AGAP1: variants seen among roughly 807,000 people sequenced by gnomAD.
The protein encoded by AGAP1 is arf-GAP with GTPase, ANK repeat and PH domain-containing protein 1.
A neutral mutation model predicts 105.3 loss-of-function variants in AGAP1; 29 were observed. The ratio of observed to expected loss-of-function variants is 0.28; its 90% confidence interval spans 0.21 to 0.38. The LOEUF is 0.38. Among genes scored for constraint, AGAP1 ranks in the 10% least tolerant of loss-of-function variants. The pLI is 1.00. For missense variants in AGAP1, 998 were observed against 1,165.1 expected, an observed-to-expected ratio of 0.86 and a Z score of 2.09; for synonymous variants, 509 against 485.9, an observed-to-expected ratio of 1.05 and a Z score of -0.63.
chr2:235,907,270 G>C (rs960942363), intron 10 of AGAP1, among the ~76,000 whole-genome samples: 1 of 152,086 alleles, frequency 6.6e-6, no homozygotes, highest in South Asian at 2.1e-4. Flanking sequence ...ACCCTGCCTC[G>C]GTCCCTTGCA....
chr2:235,833,293 C>CAGGA (rs975785642), intron 9 of AGAP1, among the ~76,000 whole-genome samples: 2 of 152,194 alleles, frequency 1.3e-5, no homozygotes, highest in African/African-American at 4.8e-5. Flanking sequence ...GCCAAATGAG[C>CAGGA]AGGAAGGAAG....
In AGAP1 at chr2:235,906,645, G is replaced by A. The variant is rs558711209; in HGVS notation, c.1156-2093G>A. Among the ~76,000 whole-genome samples, 22 of 152,198 alleles carry A rather than the reference G, an allele frequency of 1.4e-4. No homozygotes were observed. The East Asian group carries it at 1.9e-3, about 13-fold the overall frequency. On this transcript the variant is annotated intron_variant, in intron 10 of 17. Coordinates refer to ENST00000304032, the MANE Select transcript of AGAP1 (RefSeq NM_001037131.3). This position sits in a 1 kb window ranked among gnomAD's most constrained non-coding sequence, Gnocchi z 5.3. ...GCAGCCTGTAAGTCATGTTGGTTGCGGGAAGGTCTACATTGTCACACCCCA... is the reference window on the plus strand; with the variant it reads ...GCAGCCTGTAAGTCATGTTGGTTGCAGGAAGGTCTACATTGTCACACCCCA...
rs1477860384 is a variant in AGAP1 at position 236,089,993 on chromosome 2, ACAG to A, written c.2115-30194_2115-30192del. Among the ~76,000 whole-genome samples, 1 of 152,066 alleles carries A rather than the reference ACAG, an allele frequency of 6.6e-6. No homozygotes were observed. The highest frequency in any genetic ancestry group is 1.5e-5 in the Non-Finnish European group (1 of 68,026). On this transcript the variant is annotated intron_variant, in intron 16 of 17. Transcript: ENST00000304032. This position sits in a 1 kb window ranked among gnomAD's most constrained non-coding sequence, Gnocchi z 5.6. The stretch of plus-strand genomic sequence containing the variant: ...TATTATAAATCAACCTTATGCCTGT[ACAG>A]CAGCTCCCTGGCTGCAAATGAATCC...
rs1575214652 is a variant in AGAP1 at position 235,717,493 on chromosome 2, G to C, written c.223-64G>C. 2.8e-6 allele frequency: 4 copies of C among 1,408,742 alleles called. No homozygotes were observed. The African/African-American group carries it at 4.4e-5, about 15-fold the overall frequency. 87.3% of individuals were successfully genotyped at this position (1,408,742 alleles called of 1,614,324 possible). ...GCCTCCTGTCTATTTTAGCCTCTTA[G>C]TATTTGCAAAATGCCAAATAGAGTG... is the stretch of plus-strand genomic sequence containing the variant. On this transcript the variant is annotated intron_variant, in intron 2 of 17. Transcript: ENST00000304032.
At chr2:235,671,135 C>G (rs531563094) in intron 1 of AGAP1, 26 of 1,229,936 alleles carry the variant, frequency 2.1e-5, no homozygotes, top group South Asian at 1.1e-4. Flanking sequence ...GCTATGGGAC[C>G]CGCCCTCCCG....
At chr2:235,945,169 C>T (rs945152411) in intron 12 of AGAP1, among the ~76,000 whole-genome samples, 1 of 152,298 alleles carries the variant, frequency 6.6e-6, no homozygotes, top group South Asian at 2.1e-4. Context: ...GGCGCGATCT[C>T]GGCTCAATGC....
intron 9 of AGAP1, among the ~76,000 whole-genome samples, chr2:235,854,525 T>C (rs1403167635): frequency 6.6e-6 from 1 of 152,226 alleles, no homozygotes; most frequent in Non-Finnish European, 1.5e-5. Flanking sequence ...CCTCAGCTGC[T>C]ATTGTGGCTA....
At chr2:235,742,361 C>T (rs1203340199) in intron 4 of AGAP1, among the ~76,000 whole-genome samples, 2 of 152,050 alleles carry the variant, frequency 1.3e-5, no homozygotes, top group Non-Finnish European at 2.9e-5. Flanking sequence ...AGGATGCTGC[C>T]AATTAAACTA....
chr2:235,799,306 A>T lies in AGAP1; in HGVS notation c.802-61A>T. On this transcript the variant is annotated intron_variant, in intron 7 of 17. Coordinates refer to ENST00000304032, the MANE Select transcript of AGAP1 (RefSeq NM_001037131.3). This position sits in a 1 kb window ranked among gnomAD's most constrained non-coding sequence, Gnocchi z 5.0. ...CACTTGTTGGTTATGACCTTGCCTA[A>T]GTGGAGGTCTTGGGTTCCTGAGTAT... 1 of 1,575,558 alleles carries T rather than the reference A, an allele frequency of 6.3e-7. No homozygotes were observed. The highest frequency in any genetic ancestry group is 8.6e-7 in the Non-Finnish European group (1 of 1,157,252).
rs1951584066 is a variant in AGAP1, at chr2:235,725,151, TCCAGGG to T, written c.310+7512_310+7517del. On this transcript the variant is annotated intron_variant, in intron 3 of 17. Transcript: ENST00000304032. The surrounding 1 kb of genome is among the most constrained non-coding windows in gnomAD (Gnocchi z 5.7). The stretch of plus-strand genomic sequence containing the variant: ...TTCTACTGGCCACTGGCTTCTGGCC[TCCAGGG>T]CCAGCTGGCTGTACAGCCACCTGCA... Among the ~76,000 whole-genome samples the T allele has an allele frequency of 6.6e-6, 1 of 152,184 alleles. No individual in the cohort carries two copies. The highest frequency in any genetic ancestry group is 1.5e-5 in the Non-Finnish European group (1 of 68,030).
intron 11 of AGAP1, among the ~76,000 whole-genome samples, chr2:235,929,505 CT>C (rs201637457): frequency 1.3e-4 from 19 of 151,344 alleles, no homozygotes; most frequent in African/African-American, 4.1e-4. Flanking sequence ...GGTATCTTTT[CT>C]TTTTTTTTAA....
intron 1 of AGAP1, among the ~76,000 whole-genome samples, chr2:235,668,808 T>C (rs1188165081): frequency 6.6e-6 from 1 of 152,220 alleles, no homozygotes; most frequent in Non-Finnish European, 1.5e-5. Context: ...TTTTAACCAA[T>C]TTAATCTTCA....
rs1354638314 is a variant in AGAP1, at chr2:235,732,926, T to C, written c.311-8037T>C. Among the ~76,000 whole-genome samples, 2 of 152,124 alleles carry C rather than the reference T, an allele frequency of 1.3e-5. No homozygotes were observed. The highest frequency in any genetic ancestry group is 4.8e-5 in the African/African-American group (2 of 41,440). On this transcript the variant is annotated intron_variant, in intron 3 of 17. Coordinates refer to ENST00000304032, the MANE Select transcript of AGAP1 (RefSeq NM_001037131.3). The surrounding 1 kb of genome is among the most constrained non-coding windows in gnomAD (Gnocchi z 4.8). Reference sequence around the variant, plus strand: ...CCTCCCCCAGCCAGCCCCAGGGGTGTTGGGGGCATCTTTCGAGTCTCACTG... The same window carrying C: ...CCTCCCCCAGCCAGCCCCAGGGGTGCTGGGGGCATCTTTCGAGTCTCACTG...
Position 235,577,201 on chromosome 2 carries a change from G to A in AGAP1, c.163+82352G>A, listed in dbSNP as rs1224937787. 6.6e-6 allele frequency among the ~76,000 whole-genome samples: 1 copy of A among 152,132 alleles called. No individual in the cohort carries two copies. Among genetic ancestry groups the A allele is most frequent in the African/African-American group, 2.4e-5 (1 of 41,418 alleles). On this transcript the variant is annotated intron_variant, in intron 1 of 17. Coordinates refer to ENST00000304032, the MANE Select transcript of AGAP1 (RefSeq NM_001037131.3). This position sits in a 1 kb window ranked among gnomAD's most constrained non-coding sequence, Gnocchi z 4.5. Reference sequence around the variant, plus strand: ...CAGATGAAATTAATTTTAATAAACTGTTTAATCCAACATATCCAAAATATT... The same window carrying A: ...CAGATGAAATTAATTTTAATAAACTATTTAATCCAACATATCCAAAATATT...
intron 10 of AGAP1, among the ~76,000 whole-genome samples, chr2:235,884,346 G>C (rs1025701165): frequency 6.6e-6 from 1 of 151,748 alleles, no homozygotes; most frequent in Non-Finnish European, 1.5e-5. Context: ...GTCATCTCTA[G>C]ATTACTTATA....
At position 235,714,216 on chromosome 2, in the gene AGAP1, A is replaced by G. The variant is rs965229682; in HGVS notation, c.223-3341A>G. Among the ~76,000 whole-genome samples the G allele has an allele frequency of 4.0e-5, 6 of 151,862 alleles. No homozygotes were observed. The highest frequency in any genetic ancestry group is 7.4e-5 in the Non-Finnish European group (5 of 68,002). On this transcript the variant is annotated intron_variant, in intron 2 of 17. Coordinates refer to ENST00000304032, the MANE Select transcript of AGAP1 (RefSeq NM_001037131.3). The surrounding 1 kb of genome is among the most constrained non-coding windows in gnomAD (Gnocchi z 4.1). ...TTTTTAGTTGAGACAGGGTTTCACC[A>G]TGTTGGCCAGTCTGGTCTTGAACTC... is the stretch of plus-strand genomic sequence containing the variant.
chr2:235,780,923 G>A (rs904016853), intron 6 of AGAP1, among the ~76,000 whole-genome samples: 41 of 152,080 alleles, frequency 2.7e-4, no homozygotes, highest in African/African-American at 9.2e-4. Context: ...AAATACTGTG[G>A]GGTTTTTAAA....
intron 13 of AGAP1, among the ~76,000 whole-genome samples, chr2:235,972,414 G>A (rs754329849): frequency 6.6e-6 from 1 of 152,196 alleles, no homozygotes; most frequent in Non-Finnish European, 1.5e-5. Flanking sequence ...TCTGGAATGG[G>A]ATGGGGCTCC....
rs1426373321 is a variant in AGAP1, at chr2:236,121,931, C to T, written c.2370+1484C>T. On this transcript the variant is annotated intron_variant, in intron 17 of 17. Transcript: ENST00000304032. This position sits in a 1 kb window ranked among gnomAD's most constrained non-coding sequence, Gnocchi z 4.9. Reference sequence around the variant, plus strand: ...ACAGGGCCTTTCCTCTGCACTCGCTCCTGGTAGCTCTCTCCTTTCCCCCCA... The same window carrying T: ...ACAGGGCCTTTCCTCTGCACTCGCTTCTGGTAGCTCTCTCCTTTCCCCCCA... Among the ~76,000 whole-genome samples the T allele has an allele frequency of 6.6e-6, 1 of 151,976 alleles. No individual in the cohort carries two copies. Among genetic ancestry groups the T allele is most frequent in the Non-Finnish European group, 1.5e-5 (1 of 68,000 alleles).
Sources: allele counts gnomAD v4.1 joint callset (sites outside exome capture counted in the v4.1 genomes callset), GRCh38; gene constraint gnomAD v4.1.1; non-coding constraint Gnocchi (gnomAD v3.1); transcripts MANE v1.5; gene names NCBI Gene and HGNC (gene_info 2026-07-23, HGNC 2026-07-21).